The following IL1RAPL2 variants were observed in gnomAD, a reference collection of about 807,000 sequenced individuals.
IL1RAPL2 encodes interleukin 1 receptor accessory protein like 2, also known as X-linked interleukin-1 receptor accessory protein-like 2.
A neutral mutation model predicts 44.1 loss-of-function variants in IL1RAPL2; 3 were observed. The ratio of observed to expected loss-of-function variants is 0.07; its 90% CI spans 0.03 to 0.18. IL1RAPL2 has a LOEUF of 0.18. Ranked by LOEUF, IL1RAPL2 falls within the 10% of genes least tolerant of loss-of-function variation. IL1RAPL2 has a pLI of 1.00. For synonymous variants in IL1RAPL2, 181 were observed against 178.8 expected (o/e 1.01, Z -0.10); for missense variants, 391 against 496.4 (o/e 0.79, Z 2.02).
intron 2 of IL1RAPL2, among the ~76,000 whole-genome samples, chrX:105,183,277 A>G (rs1250996324): frequency 9.1e-6 from 1 of 110,099 alleles, no homozygotes; most frequent in Non-Finnish European, 1.9e-5. Flanking sequence ...ACTTGGAGCA[A>G]CTCCAAGCCA....
intron 6 of IL1RAPL2, among the ~76,000 whole-genome samples, chrX:105,567,082 C>A (rs964848754): frequency 1.3e-4 from 14 of 111,216 alleles, no homozygotes; most frequent in African/African-American, 3.9e-4. Context: ...GAAAAAAATT[C>A]TTATTTTAAT....
intron 2 of IL1RAPL2, among the ~76,000 whole-genome samples, chrX:104,907,920 A>G (rs1247205852): frequency 9.1e-6 from 1 of 109,547 alleles, no homozygotes; most frequent in East Asian, 2.9e-4. Context: ...GTCTCCCATT[A>G]TTAATGTGTG....
At chrX:105,272,392 A>T (rs932715430) in intron 5 of IL1RAPL2, among the ~76,000 whole-genome samples, 2 of 112,293 alleles carry the variant, frequency 1.8e-5, no homozygotes, top group Non-Finnish European at 3.8e-5. Flanking sequence ...TTCACCATTC[A>T]CCTGGCAAAT....
chrX:105,612,054 T>A (rs2037340107), intron 6 of IL1RAPL2, among the ~76,000 whole-genome samples: 1 of 111,727 alleles, frequency 9.0e-6, no homozygotes, highest in African/African-American at 3.3e-5. Flanking sequence ...CATATAGGTA[T>A]AGTTACCTTT....
chrX:105,297,602 A>G (rs1614463), intron 5 of IL1RAPL2, among the ~76,000 whole-genome samples: 7,333 of 110,433 alleles, frequency 0.066, 247 homozygotes, highest in South Asian at 0.15. Context: ...TCAAACAACC[A>G]GATCTCATGA....
At chrX:105,442,384 C>T (rs1347580453) in intron 5 of IL1RAPL2, among the ~76,000 whole-genome samples, 1 of 111,210 alleles carries the variant, frequency 9.0e-6, no homozygotes, top group African/African-American at 3.3e-5. Context: ...TTCTTATTAC[C>T]TACCAGGGGT....
intron 5 of IL1RAPL2, among the ~76,000 whole-genome samples, chrX:105,352,026 C>G (rs1271194233): frequency 9.0e-6 from 1 of 111,456 alleles, no homozygotes; most frequent in Non-Finnish European, 1.9e-5. Flanking sequence ...CAGCTCACTG[C>G]AACCTTCTTC....
intron 2 of IL1RAPL2, among the ~76,000 whole-genome samples, chrX:105,076,563 T>C (rs1348983790): frequency 9.0e-6 from 1 of 111,342 alleles, no homozygotes; most frequent in Non-Finnish European, 1.9e-5. Flanking sequence ...TTAGGTCCGC[T>C]TGGTGCAGAG....
intron 6 of IL1RAPL2, among the ~76,000 whole-genome samples, chrX:105,540,815 T>TATACATATATTATATATGATATAAAATAC (rs2036717728): frequency 2.5e-5 from 1 of 39,719 alleles, no homozygotes; most frequent in Admixed American, 4.4e-4. Flanking sequence ...TTATATAATA[T>TATACATATATTATATATGATATAAAATAC]ATACATATAT....
intron 2 of IL1RAPL2, among the ~76,000 whole-genome samples, chrX:105,169,328 T>C (rs1406835980): frequency 9.3e-6 from 1 of 107,940 alleles, no homozygotes; most frequent in African/African-American, 3.4e-5. Context: ...TAGTCTATGC[T>C]AATACATAAT....
chrX:105,260,086 C>T (rs929948595), intron 4 of IL1RAPL2, among the ~76,000 whole-genome samples: 3 of 112,142 alleles, frequency 2.7e-5, no homozygotes, highest in Non-Finnish European at 5.6e-5. Context: ...TGGGTGGAGA[C>T]CCTGGTTGGA....
At chrX:105,712,757 T>C (rs374601053) in intron 6 of IL1RAPL2, among the ~76,000 whole-genome samples, 2 of 111,582 alleles carry the variant, frequency 1.8e-5, no homozygotes, top group Admixed American at 9.5e-5. Flanking sequence ...CAGCATTAAC[T>C]CAAAAGTTCA....
chrX:104,990,700 T>C (rs1001318145), intron 2 of IL1RAPL2, among the ~76,000 whole-genome samples: 4 of 111,760 alleles, frequency 3.6e-5, no homozygotes, highest in African/African-American at 1.3e-4. Flanking sequence ...ACCTTTAAAA[T>C]ATATTGCATA....
chrX:105,515,151 A>T (rs1294361333), intron 6 of IL1RAPL2, among the ~76,000 whole-genome samples: 50 of 111,710 alleles, frequency 4.5e-4, no homozygotes, highest in Non-Finnish European at 3.8e-5. Flanking sequence ...GTCAGAGAGG[A>T]AGTGTGTTCA....
rs768372225 is a variant in IL1RAPL2, at chrX:104,965,474, G to A, written c.83-230001G>A. Among the ~76,000 whole-genome samples, 128 of 111,441 alleles carry A rather than the reference G, an allele frequency of 1.1e-3. 1 individual carries two copies. Among genetic ancestry groups the A allele is most frequent in the African/African-American group, 3.9e-3 (121 of 30,732 alleles). On this transcript the variant is annotated intron_variant, in intron 2 of 10. Transcript: ENST00000372582. ...TTGTATCACCACAGGACTCTTGTAT[G>A]ATGCAAAAGTCAACTCTTTCTGAAG...
intron 1 of IL1RAPL2, among the ~76,000 whole-genome samples, chrX:104,570,156 A>G (rs1047411379): frequency 8.9e-6 from 1 of 112,062 alleles, no homozygotes; most frequent in Non-Finnish European, 1.9e-5. Flanking sequence ...ATGTAGACTA[A>G]CAGGGTTTTT....
At chrX:104,577,511 G>A (rs766631513) in intron 1 of IL1RAPL2, among the ~76,000 whole-genome samples, 9 of 111,747 alleles carry the variant, frequency 8.1e-5, no homozygotes, top group South Asian at 3.8e-4. Flanking sequence ...TACAAGTTGT[G>A]GAAGTGATGG....
At chrX:105,029,990 C>A (rs1252597050) in intron 2 of IL1RAPL2, among the ~76,000 whole-genome samples, 1 of 112,145 alleles carries the variant, frequency 8.9e-6, no homozygotes, top group Non-Finnish European at 1.9e-5. Flanking sequence ...ATTTGCATTT[C>A]TCTGATGGTC....
At chrX:105,738,748 A>G (rs925117834) in intron 7 of IL1RAPL2, among the ~76,000 whole-genome samples, 41 of 110,608 alleles carry the variant, frequency 3.7e-4, no homozygotes, top group Non-Finnish European at 6.0e-4. Context: ...CCAAAGAAAC[A>G]GGAGGCGCAC....
Sources: gnomAD v4.1 joint callset for allele counts (sites outside exome capture counted in the v4.1 genomes callset) on GRCh38, gnomAD v4.1.1 for gene constraint, MANE v1.5 for transcripts, NCBI Gene and HGNC (gene_info 2026-07-23, HGNC 2026-07-21) for gene names.